Variants in PIP5K1A observed in about 807,000 individuals in gnomAD.
PIP5K1A encodes phosphatidylinositol-4-phosphate 5-kinase type 1 alpha.
PIP5K1A carries 46 observed loss-of-function variants against 72.9 expected under a neutral mutation model. That is an observed-to-expected ratio of 0.63 (90% CI 0.50 to 0.81). The LOEUF (loss-of-function observed/expected upper bound fraction) is 0.81. PIP5K1A is among the 30% of genes least tolerant of loss of function. The pLI is 0.00. For missense variants in PIP5K1A, 458 were observed against 706.1 expected (o/e 0.65, Z 3.98); for synonymous variants, 228 against 255.1 (o/e 0.89, Z 1.01).
intron 15 of PIP5K1A, 97 bp from the exon 16 acceptor site, chr1:151,247,766 G>A: frequency 9.8e-7 from 1 of 1,018,306 alleles, no homozygotes; most frequent in Admixed American, 2.2e-5. Context: ...CCTCATACTT[G>A]GAGGCTGAGG....
intron 8 of PIP5K1A, among the ~76,000 whole-genome samples, chr1:151,236,056 G>A (rs1254604732): frequency 6.6e-6 from 1 of 151,176 alleles, no homozygotes; most frequent in African/African-American, 2.4e-5. Flanking sequence ...GGGAGTTGGA[G>A]GTTGCAGTGA....
At chr1:151,213,082 C>T (rs587648267) in intron 1 of PIP5K1A, among the ~76,000 whole-genome samples, 35 of 152,032 alleles carry the variant, frequency 2.3e-4, no homozygotes, top group African/African-American at 7.7e-4. Context: ...TTAGTAGAGA[C>T]GGGGTTTCAC....
chr1:151,208,377 T>G (rs1572163761), intron 1 of PIP5K1A, among the ~76,000 whole-genome samples: 1 of 120,956 alleles, frequency 8.3e-6, no homozygotes, highest in African/African-American at 3.1e-5. Context: ...TTTTTTTTTT[T>G]GGAGATGGAG....
chr1:151,242,217 G>C lies in PIP5K1A; in HGVS notation c.1458G>C (p.Ser486=). 6 of 1,614,076 alleles carry C rather than the reference G, an allele frequency of 3.7e-6. No homozygotes were observed. The highest frequency in any genetic ancestry group is 5.1e-6 in the Non-Finnish European group (6 of 1,179,986). The change falls in exon 13 of 16, where the codon TCG becomes TCC. Residue 486 remains serine (S), a synonymous_variant. Coordinates refer to ENST00000368888, the MANE Select transcript of PIP5K1A (RefSeq NM_001135638.2). ...SGNSCITYQP[S]VSGEHKAQVT... The stretch of plus-strand genomic sequence containing the variant: ...ACTCCTGCATTACTTACCAGCCATC[G>C]GTCTCTGGGGAACACAAGGCACAAG...
At position 151,234,387 on chromosome 1, in the gene PIP5K1A, C is replaced by G; in HGVS notation, c.830C>G (p.Pro277Arg). 6.2e-7 allele frequency: 1 copy of G among 1,613,960 alleles called. No individual in the cohort carries two copies. Among genetic ancestry groups the G allele is most frequent in the Admixed American group, 1.7e-5 (1 of 60,024 alleles). ...RRASQKEREKPLPTFKDLDFL... is the reference protein window; with the variant it reads ...RRASQKEREKRLPTFKDLDFL... Reference sequence around the variant, plus strand: ...GCTTCCCAGAAAGAGCGAGAGAAGCCTCTTCCCACATTTAAAGACCTAGAC... The same window carrying G: ...GCTTCCCAGAAAGAGCGAGAGAAGCGTCTTCCCACATTTAAAGACCTAGAC... Residue 277 changes from proline to arginine, a missense_variant, in exon 8 of 16, where the codon CCT becomes CGT. Pro to Arg is a moderately radical substitution (Grantham distance 103). Around this residue, in one of 3 missense-constraint regions of PIP5K1A, gnomAD observed 220 missense variants for 442.6 expected, o/e 0.50. Transcript: ENST00000368888.
At chr1:151,208,083 C>T (rs771233318) in intron 1 of PIP5K1A, among the ~76,000 whole-genome samples, 1 of 151,840 alleles carries the variant, frequency 6.6e-6, no homozygotes, top group Non-Finnish European at 1.5e-5. Context: ...TGTTCTCGAA[C>T]TCCTAACTTC....
intron 5 of PIP5K1A, 57 bp downstream of exon 5, chr1:151,231,858 C>T: frequency 6.3e-7 from 1 of 1,578,012 alleles, no homozygotes; most frequent in Non-Finnish European, 8.7e-7. Context: ...TCAAATCAGC[C>T]CAGGGCAGTT....
chr1:151,232,641 A>G lies in PIP5K1A; in HGVS notation c.577A>G (p.Ile193Val), dbSNP rs1335188386. 1.2e-6 allele frequency: 2 copies of G among 1,613,446 alleles called. No homozygotes were observed. Among genetic ancestry groups the G allele is most frequent in the Non-Finnish European group, 1.7e-6 (2 of 1,179,766 alleles). Residue 193 changes from isoleucine to valine, a missense_variant, in exon 7 of 16, where the codon ATT becomes GTT. This residue lies in a region of PIP5K1A where 220 missense variants were observed against 442.6 expected (regional missense o/e 0.50). Transcript: ENST00000368888. ...TGTGTCCAGCGACGATGAGTTCATT[A>G]TTAAGACAGTCCAACATAAAGAGGC... is the stretch of plus-strand genomic sequence containing the variant. ...FYVSSDDEFI[I>V]KTVQHKEAEF...
intron 1 of PIP5K1A, among the ~76,000 whole-genome samples, chr1:151,213,899 G>A (rs1342019894): frequency 6.6e-6 from 1 of 152,040 alleles, no homozygotes; most frequent in Non-Finnish European, 1.5e-5. Flanking sequence ...TATAGGTAAG[G>A]AAAAATAGAA....
At chr1:151,244,147 GA>G (rs200284026) in intron 14 of PIP5K1A, among the ~76,000 whole-genome samples, 23 of 61,082 alleles carry the variant, frequency 3.8e-4, no homozygotes, top group Admixed American at 7.8e-4. Context: ...CCATCCCTTT[GA>G]AAAAAAAAAA....
chr1:151,224,864 A>G (rs935904552), intron 3 of PIP5K1A, among the ~76,000 whole-genome samples: 1 of 152,024 alleles, frequency 6.6e-6, no homozygotes, highest in Non-Finnish European at 1.5e-5. Context: ...CCCTCTTCTC[A>G]CTTCTTGCCT....
chr1:151,244,334 T>G lies in PIP5K1A; in HGVS notation c.1640+1767T>G, dbSNP rs1408902959. ...CATAGCATTTACATTGTATTAGTTA[T>G]CATAAATAATCTAGGAATGATTTAA... is the stretch of plus-strand genomic sequence containing the variant. On this transcript the variant is annotated intron_variant, in intron 14 of 15. Coordinates refer to ENST00000368888, the MANE Select transcript of PIP5K1A (RefSeq NM_001135638.2). Among the ~76,000 whole-genome samples the G allele has an allele frequency of 3.3e-5, 5 of 152,302 alleles. No homozygotes were observed. The South Asian group carries it at 1.0e-3, about 32-fold the overall frequency.
chr1:151,209,473 C>G (rs1050247425), intron 1 of PIP5K1A, among the ~76,000 whole-genome samples: 4 of 127,032 alleles, frequency 3.1e-5, no homozygotes, highest in African/African-American at 1.2e-4. Flanking sequence ...GAGTTTTGCT[C>G]TTGTCGCCCA....
chr1:151,235,146 G>A (rs1156592556), intron 8 of PIP5K1A, among the ~76,000 whole-genome samples: 1 of 152,094 alleles, frequency 6.6e-6, no homozygotes, highest in East Asian at 1.9e-4. Context: ...GCAATGGCAC[G>A]ATCTCGGCTC....
intron 8 of PIP5K1A, among the ~76,000 whole-genome samples, chr1:151,236,119 CAAAAAAA>C (rs377141308): frequency 1.5e-5 from 1 of 64,784 alleles, no homozygotes; most frequent in Non-Finnish European, 3.2e-5. Context: ...GACTCCGTCT[CAAAAAAA>C]AAAAAAAAAA....
intron 1 of PIP5K1A, among the ~76,000 whole-genome samples, chr1:151,212,493 C>T (rs1274454560): frequency 6.6e-6 from 1 of 152,130 alleles, no homozygotes; most frequent in African/African-American, 2.4e-5. Flanking sequence ...AAAGGTGGGG[C>T]CGAGGATCAA....
Position 151,231,812 on chromosome 1 carries a change from T to A in PIP5K1A, c.368+11T>A. ...TATCTTCTTTCCCAGGTACAGAGTTTAATGTTCAGGAGCATGTCCTGGAAA... is the reference window on the plus strand; with the variant it reads ...TATCTTCTTTCCCAGGTACAGAGTTAAATGTTCAGGAGCATGTCCTGGAAA... On this transcript the variant is annotated intron_variant, in intron 5 of 15. Transcript: ENST00000368888. The A allele has an allele frequency of 6.2e-7, 1 of 1,613,760 alleles. No individual in the cohort carries two copies. The highest frequency in any genetic ancestry group is 2.2e-5 in the East Asian group (1 of 44,868).
intron 1 of PIP5K1A, among the ~76,000 whole-genome samples, chr1:151,200,671 G>A (rs1231089725): frequency 6.6e-6 from 1 of 152,056 alleles, no homozygotes; most frequent in Admixed American, 6.6e-5. Context: ...TTAATAAGCT[G>A]CAGTTTTATT....
chr1:151,206,050 C>G (rs191645578), intron 1 of PIP5K1A, among the ~76,000 whole-genome samples: 6 of 152,100 alleles, frequency 3.9e-5, no homozygotes, highest in Non-Finnish European at 5.9e-5. Context: ...CTGCCCTTTC[C>G]CATCTAAACA....
Sources: allele counts gnomAD v4.1 joint callset (sites outside exome capture counted in the v4.1 genomes callset), GRCh38; gene constraint gnomAD v4.1.1; regional missense constraint gnomAD v4.1.1; transcripts MANE v1.5; gene names NCBI Gene and HGNC (gene_info 2026-07-23, HGNC 2026-07-21).